Variants in PBX3 observed in about 807,000 individuals in gnomAD.
PBX3 encodes PBX homeobox 3.
Under a neutral mutation model 48.5 loss-of-function variants are expected in PBX3, and 14 were observed. That is an observed-to-expected ratio of 0.29 (90% CI 0.19 to 0.45). PBX3 has a LOEUF of 0.45. Ranked by LOEUF, PBX3 falls within the 20% of genes least tolerant of loss-of-function variation. The probability of loss-of-function intolerance (pLI) is 1.00; values close to 1 mark genes in which losing one functional copy is unlikely to be tolerated. For missense variants in PBX3, 386 were observed against 546.7 expected (o/e 0.71, Z 2.93); for synonymous variants, 210 against 200.3 (o/e 1.05, Z -0.41).
chr9:125,899,352 TTTATATAAATA>T (rs1387658396), intron 2 of PBX3, among the ~76,000 whole-genome samples: 1 of 97,170 alleles, frequency 1.0e-5, no homozygotes, highest in African/African-American at 3.8e-5. Flanking sequence ...TGTATATATT[TTTATATAAATA>T]TATACATATA....
intron 2 of PBX3, among the ~76,000 whole-genome samples, chr9:125,812,272 T>A (rs1838312635): frequency 6.6e-6 from 1 of 152,196 alleles, no homozygotes; most frequent in African/African-American, 2.4e-5. Context: ...AATATATGAA[T>A]GGGTTGGGGG....
intron 2 of PBX3, among the ~76,000 whole-genome samples, chr9:125,825,269 G>A (rs568289537): frequency 9.5e-4 from 144 of 152,136 alleles, no homozygotes; most frequent in African/African-American, 3.2e-3. Context: ...GGGCAACAAA[G>A]TGAGACTCTG....
At chr9:125,856,115 A>G (rs983579028) in intron 2 of PBX3, among the ~76,000 whole-genome samples, 3 of 152,278 alleles carry the variant, frequency 2.0e-5, no homozygotes, top group Middle Eastern at 3.4e-3. Context: ...CATTTTTGCT[A>G]TAGAAACAAT....
chr9:125,957,055 A>C (rs1408474853), intron 5 of PBX3, among the ~76,000 whole-genome samples: 1 of 152,236 alleles, frequency 6.6e-6, no homozygotes, highest in Non-Finnish European at 1.5e-5. Context: ...GTCGATTGAT[A>C]CATTAATTAC....
At chr9:125,920,075 G>C (rs191816452) in intron 3 of PBX3, among the ~76,000 whole-genome samples, 4 of 152,114 alleles carry the variant, frequency 2.6e-5, no homozygotes, top group African/African-American at 9.7e-5. Flanking sequence ...ATTAGGGTAA[G>C]GTTCTTGAAT....
intron 2 of PBX3, among the ~76,000 whole-genome samples, chr9:125,903,127 T>C (rs10987016): frequency 0.021 from 3,232 of 151,862 alleles, 174 homozygotes; most frequent in East Asian, 0.17. Flanking sequence ...CTGAAAGATC[T>C]TTCTTTTTTT....
intron 2 of PBX3, among the ~76,000 whole-genome samples, chr9:125,881,304 T>G (rs1437792158): frequency 6.6e-6 from 1 of 152,150 alleles, no homozygotes; most frequent in Non-Finnish European, 1.5e-5. Context: ...GTGACAAAAA[T>G]AGGGAAGTAT....
rs1207671653 is a variant in PBX3 at position 125,915,775 on chromosome 9, G to C, written c.364G>C (p.Gly122Arg). 6.2e-7 allele frequency: 1 copy of C among 1,614,070 alleles called. No individual in the cohort carries two copies. Among genetic ancestry groups the C allele is most frequent in the Admixed American group, 1.7e-5 (1 of 60,012 alleles). Residue 122 changes from glycine (G) to arginine (R), a missense_variant, in exon 3 of 9, where the codon GGT (glycine) becomes CGT (arginine). Around this residue, in one of 4 missense-constraint regions of PBX3, gnomAD observed 69 missense variants for 99.1 expected, o/e 0.70. Coordinates refer to ENST00000373489, the MANE Select transcript of PBX3 (RefSeq NM_006195.6). ...TATGCTTTTGGCAGAAGGGGTTTCA[G>C]GTCCTGAGAAAGGTGGGGGATCGGC... The part of the protein sequence containing the change: ...DNMLLAEGVS[G>R]PEKGGGSAAA...
At chr9:125,884,297 T>A (rs1466932320) in intron 2 of PBX3, among the ~76,000 whole-genome samples, 2 of 152,218 alleles carry the variant, frequency 1.3e-5, no homozygotes, top group African/African-American at 4.8e-5. Flanking sequence ...GCCAAAATGT[T>A]GTGTTGCATA....
At chr9:125,812,680 A>G (rs1374782725) in intron 2 of PBX3, among the ~76,000 whole-genome samples, 3 of 152,208 alleles carry the variant, frequency 2.0e-5, no homozygotes, top group Admixed American at 6.5e-5. Flanking sequence ...TCATCAGGCA[A>G]TTTTGTCATT....
At chr9:125,833,251 CGA>C (rs1564680117) in intron 2 of PBX3, among the ~76,000 whole-genome samples, 1 of 151,964 alleles carries the variant, frequency 6.6e-6, no homozygotes, top group East Asian at 1.9e-4. Context: ...TTTGGGAGGA[CGA>C]GAGAGGTAGA....
chr9:125,757,975 CT>C (rs1268582383), intron 2 of PBX3, among the ~76,000 whole-genome samples: 1 of 152,120 alleles, frequency 6.6e-6, no homozygotes, highest in African/African-American at 2.4e-5. Flanking sequence ...ATTCTTTTAA[CT>C]GTGTATGAGG....
intron 2 of PBX3, among the ~76,000 whole-genome samples, chr9:125,913,475 C>T (rs187812078): frequency 1.2e-3 from 178 of 152,072 alleles, no homozygotes; most frequent in Admixed American, 2.7e-3. Context: ...GGTTTATATA[C>T]GTATTTATAT....
chr9:125,778,556 C>G (rs1564649080), intron 2 of PBX3, among the ~76,000 whole-genome samples: 1 of 149,500 alleles, frequency 6.7e-6, no homozygotes, highest in Non-Finnish European at 1.5e-5. Context: ...TGCGCCCGGC[C>G]TTTTTTTTCC....
chr9:125,919,848 TAC>T (rs2132481151), intron 3 of PBX3, among the ~76,000 whole-genome samples: 1 of 152,346 alleles, frequency 6.6e-6, no homozygotes, highest in Admixed American at 6.5e-5. Context: ...AGACTAGAGC[TAC>T]AGTTTGAGCA....
chr9:125,845,209 C>G (rs13297570), intron 2 of PBX3, among the ~76,000 whole-genome samples: 10,280 of 152,088 alleles, frequency 0.068, 481 homozygotes, highest in Non-Finnish European at 0.094. Context: ...AAGTCCTTTA[C>G]TATGCAGTGT....
At chr9:125,853,090 T>C (rs562523553) in intron 2 of PBX3, among the ~76,000 whole-genome samples, 1 of 152,298 alleles carries the variant, frequency 6.6e-6, no homozygotes, top group East Asian at 1.9e-4. Context: ...TAAAATGTGA[T>C]GTGTTGGCCC....
intron 2 of PBX3, among the ~76,000 whole-genome samples, chr9:125,820,203 T>G (rs370422300): frequency 1.5e-4 from 23 of 152,224 alleles, no homozygotes; most frequent in African/African-American, 5.1e-4. Context: ...TGTAGTCTAC[T>G]CTGAATTTTG....
At chr9:125,792,524 T>C (rs1286489221) in intron 2 of PBX3, among the ~76,000 whole-genome samples, 1 of 152,020 alleles carries the variant, frequency 6.6e-6, no homozygotes, top group Non-Finnish European at 1.5e-5. Context: ...GTTTGGCCCA[T>C]AGTGGTATCC....
Sources: allele counts gnomAD v4.1 joint callset (sites outside exome capture counted in the v4.1 genomes callset), GRCh38; gene constraint gnomAD v4.1.1; regional missense constraint gnomAD v4.1.1; transcripts MANE v1.5; gene names NCBI Gene and HGNC (gene_info 2026-07-23, HGNC 2026-07-21).